Variants in ATG4B observed in about 807,000 individuals in gnomAD.
The protein encoded by ATG4B is cysteine protease ATG4B.
In ATG4B, 29 loss-of-function variants were observed where a neutral mutation model predicts 56.6. The observed-to-expected ratio is 0.51, with a 90% CI of 0.38 to 0.70. The LOEUF (loss-of-function observed/expected upper bound fraction) is 0.70. Among genes scored for constraint, ATG4B ranks in the 30% least tolerant of loss-of-function variants. The pLI, the probability that ATG4B is intolerant of heterozygous loss-of-function variation, is 0.00. For missense variants in ATG4B, 461 were observed against 515.5 expected (o/e 0.89, Z 1.02); for synonymous variants, 224 against 206.1 (o/e 1.09, Z -0.74).
At chr2:241,662,199 G>A (rs6437276) in intron 7 of ATG4B, among the ~76,000 whole-genome samples, 73,579 of 151,858 alleles carry the variant, frequency 0.48, 17,926 homozygotes, top group East Asian at 0.58. Context: ...AAACATACAT[G>A]TTCCTGATAA....
chr2:241,655,393 T>TG, intron 6 of ATG4B, 50 bp downstream of exon 6: 1 of 1,554,960 alleles, frequency 6.4e-7, no homozygotes, highest in Middle Eastern at 1.7e-4. Flanking sequence ...GGATGTTCCC[T>TG]GGGGGTTAAA....
In ATG4B at chr2:241,637,730, G is replaced by A. The variant is rs763269853; in HGVS notation, c.10+6G>A. On this transcript the variant is annotated splice_donor_region_variant and intron_variant, in intron 1 of 12. Coordinates refer to ENST00000404914, the MANE Select transcript of ATG4B (RefSeq NM_013325.5). ...GACTGGGAAGATGGACGCAGGTGAG[G>A]AGTTGCCGGGGGTCGGTCTTTCCGC... 4 of 1,576,852 alleles carry A rather than the reference G, an allele frequency of 2.5e-6. No individual in the cohort carries two copies. Among genetic ancestry groups the A allele is most frequent in the South Asian group, 2.3e-5 (2 of 87,704 alleles).
intron 3 of ATG4B, among the ~76,000 whole-genome samples, chr2:241,652,302 G>A (rs1344043640): frequency 3.9e-5 from 6 of 152,316 alleles, no homozygotes; most frequent in East Asian, 1.9e-4. Flanking sequence ...TCTCTTGGCC[G>A]CCTTGGATGC....
In ATG4B at chr2:241,666,672, G is replaced by A. The variant is rs374079664; in HGVS notation, c.566G>A (p.Cys189Tyr). The change falls in exon 8 of 13, where the codon TGT becomes TAT. Residue 189 changes from cysteine to tyrosine, a missense_variant. Transcript: ENST00000404914. ...IRRLCRTSVP[C>Y]AGATAFPADS... ...AGGTTGTGCAGGACCAGCGTTCCCT[G>A]TGCAGGCGCCACTGCGTTTCCTGCA... The A allele has an allele frequency of 5.0e-6, 8 of 1,613,532 alleles. No homozygotes were observed. The highest frequency in any genetic ancestry group is 6.8e-6 in the Non-Finnish European group (8 of 1,179,778).
chr2:241,667,590 T>G (rs1251406651), intron 8 of ATG4B, among the ~76,000 whole-genome samples: 9 of 145,402 alleles, frequency 6.2e-5, no homozygotes, highest in African/African-American at 1.0e-4. Flanking sequence ...GGTGACAGAG[T>G]GAGACTCCAT....
chr2:241,668,745 G>A lies in ATG4B; in HGVS notation c.957+60G>A, dbSNP rs538401210. The A allele has an allele frequency of 2.3e-5, 35 of 1,516,828 alleles. No homozygotes were observed. The highest frequency in any genetic ancestry group is 1.1e-4 in the African/African-American group (8 of 70,982). 94.0% of individuals were successfully genotyped at this position (1,516,828 alleles called of 1,614,324 possible). On this transcript the variant is annotated intron_variant, in intron 10 of 12. Coordinates refer to ENST00000404914, the MANE Select transcript of ATG4B (RefSeq NM_013325.5). This position sits in a 1 kb window ranked among gnomAD's most constrained non-coding sequence, Gnocchi z 4.2. ...GTGCTGAATGCTGTTTGGGAATGAC[G>A]AGGAAAACTTTCGGATTTTTGCGTT...
chr2:241,660,663 A>G (rs1199869909), intron 7 of ATG4B, among the ~76,000 whole-genome samples: 2 of 152,204 alleles, frequency 1.3e-5, no homozygotes, highest in Non-Finnish European at 2.9e-5. Flanking sequence ...GCATTTTGAC[A>G]TTCTTACTCT....
intron 1 of ATG4B, among the ~76,000 whole-genome samples, chr2:241,645,745 G>A (rs561876496): frequency 6.6e-6 from 1 of 152,156 alleles, no homozygotes; most frequent in African/African-American, 2.4e-5. Flanking sequence ...CCACAGTACC[G>A]AGAGGAGGGT....
Position 241,655,148 on chromosome 2 carries a change from C to G in ATG4B, c.386-123C>G, listed in dbSNP as rs541761135. ...CCCCGATCTTGTTGGGGCATCCTTC[C>G]GTCTGGAGGCTGGGTCGGGTGCTGT... is the stretch of plus-strand genomic sequence containing the variant. On this transcript the variant is annotated intron_variant, in intron 5 of 12. Transcript: ENST00000404914. 6 of 903,074 alleles carry G rather than the reference C, an allele frequency of 6.6e-6. No homozygotes were observed. In the South Asian group the frequency reaches 7.8e-5, roughly 12 times the overall value. 55.9% of individuals were successfully genotyped at this position (903,074 alleles called of 1,614,324 possible).
rs1482641960 is a variant in ATG4B at position 241,671,296 on chromosome 2, C to T, written c.1015-16C>T. On this transcript the variant is annotated splice_polypyrimidine_tract_variant and intron_variant, in intron 11 of 12. Coordinates refer to ENST00000404914, the MANE Select transcript of ATG4B (RefSeq NM_013325.5). ...CTGGGGTGAGGCTGCACCTAACGGC[C>T]ATGTCTCACTAACAGCTGTCTCTGC... 1.2e-6 allele frequency: 2 copies of T among 1,607,224 alleles called. No homozygotes were observed. Among genetic ancestry groups the T allele is most frequent in the Non-Finnish European group, 1.7e-6 (2 of 1,176,112 alleles).
intron 6 of ATG4B, among the ~76,000 whole-genome samples, chr2:241,657,056 A>G (rs35503404): frequency 0.72 from 109,284 of 150,908 alleles, 40,530 homozygotes; most frequent in East Asian, 0.95. Flanking sequence ...TGCTTCCTCC[A>G]CCTCCTGGGT....
chr2:241,653,626 G>A lies in ATG4B; in HGVS notation c.283+16G>A, dbSNP rs1308453169. On this transcript the variant is annotated intron_variant, in intron 4 of 12. Transcript: ENST00000404914. ...CTAGGCCGAGGTGAGTCACAGCCCT[G>A]GGGAGGGCGCATGGCCACGGTGTTC... 3.2e-6 allele frequency: 5 copies of A among 1,556,664 alleles called. No homozygotes were observed. The highest frequency in any genetic ancestry group is 2.4e-5 in the East Asian group (1 of 41,426).
intron 1 of ATG4B, among the ~76,000 whole-genome samples, chr2:241,649,785 T>C (rs1307293555): frequency 4.5e-5 from 5 of 110,000 alleles, no homozygotes; most frequent in African/African-American, 1.4e-4. Flanking sequence ...TTTCTTTTTC[T>C]TTTTTTTTTT....
At chr2:241,644,771 A>G (rs1443444429) in intron 1 of ATG4B, among the ~76,000 whole-genome samples, 4 of 152,030 alleles carry the variant, frequency 2.6e-5, no homozygotes, top group Non-Finnish European at 4.4e-5. Flanking sequence ...CCAACATGGG[A>G]GAAACCCATC....
In ATG4B at chr2:241,670,752, C is replaced by A; in HGVS notation, c.984C>A (p.Asp328Glu). 6.2e-7 allele frequency: 1 copy of A among 1,611,182 alleles called. No individual in the cohort carries two copies. Among genetic ancestry groups the A allele is most frequent in the Admixed American group, 1.7e-5 (1 of 59,512 alleles). The change falls in exon 11 of 13, where the codon GAC becomes GAA. Residue 328 changes from aspartate (D) to glutamate (E), a missense_variant. Physicochemically the swap from Asp to Glu is conservative, Grantham distance 45 (BLOSUM62 2). Transcript: ENST00000404914. ...AVGFFCKTED[D>E]FNDWCQQVKK... is the part of the protein sequence containing the mutation. ...GGTTTTTCTGTAAGACTGAAGATGA[C>A]TTCAATGATTGGTGCCAGCAAGTCA...
rs1333097609 is a variant in ATG4B at position 241,651,073 on chromosome 2, C to T, written c.74C>T (p.Pro25Leu). Residue 25 changes from proline (P) to leucine (L), a missense_variant, in exon 2 of 13, where the codon CCC becomes CTC. Coordinates refer to ENST00000404914, the MANE Select transcript of ATG4B (RefSeq NM_013325.5). This position sits in a 1 kb window ranked among gnomAD's most constrained non-coding sequence, Gnocchi z 4.1. ...GAAGATTTTCCTGAGACCTCAGAGC[C>T]CGTTTGGATACTGGGTAGAAAATAC... ...EFEDFPETSE[P>L]VWILGRKYSI... 1.9e-6 allele frequency: 3 copies of T among 1,613,876 alleles called. No homozygotes were observed. In the South Asian group the frequency reaches 3.3e-5, roughly 18 times the overall value.
chr2:241,664,935 G>A (rs1311672409), intron 7 of ATG4B, among the ~76,000 whole-genome samples: 1 of 152,160 alleles, frequency 6.6e-6, no homozygotes, highest in Non-Finnish European at 1.5e-5. Context: ...CTGCACTCCA[G>A]CCTGGACAAC....
intron 12 of ATG4B, 110 bp from the exon 13 acceptor site, chr2:241,672,081 T>C: frequency 6.7e-7 from 1 of 1,498,706 alleles, no homozygotes. Flanking sequence ...GACAGCTGTC[T>C]GTGGGCTGCA....
Position 241,651,129 on chromosome 2 carries a change from GC to G in ATG4B, c.112+21del. ...TTTCACAGGTATCGGCCATGCTGGA[GC>G]CCACCCTGGTCTGACCGCTTGGCCT... On this transcript the variant is annotated intron_variant, in intron 2 of 12. Coordinates refer to ENST00000404914, the MANE Select transcript of ATG4B (RefSeq NM_013325.5). The surrounding 1 kb of genome is among the most constrained non-coding windows in gnomAD (Gnocchi z 4.1). 1.9e-6 allele frequency: 3 copies of G among 1,604,800 alleles called. No homozygotes were observed. The highest frequency in any genetic ancestry group is 2.6e-6 in the Non-Finnish European group (3 of 1,174,072).
Sources: allele counts gnomAD v4.1 joint callset (sites outside exome capture counted in the v4.1 genomes callset), GRCh38; gene constraint gnomAD v4.1.1; non-coding constraint Gnocchi (gnomAD v3.1); transcripts MANE v1.5; gene names NCBI Gene and HGNC (gene_info 2026-07-23, HGNC 2026-07-21).